The following FGD4 variants were observed in gnomAD, a reference collection of about 807,000 sequenced individuals.
FGD4 encodes the protein FYVE, RhoGEF and PH domain containing 4.
FGD4 carries 42 observed loss-of-function variants against 102.0 expected under a neutral mutation model. The ratio of observed to expected loss-of-function variants is 0.41; its 90% CI spans 0.32 to 0.53. The LOEUF (loss-of-function observed/expected upper bound fraction) is 0.53. FGD4 is among the 20% of genes least tolerant of loss of function. FGD4 has a pLI of 0.21. For synonymous variants in FGD4, 380 were observed against 375.7 expected (o/e 1.01, Z -0.13); for missense variants, 902 against 1,078.2 (o/e 0.84, Z 2.29).
At chr12:32,482,836 C>T (rs889633441) in intron 1 of FGD4, among the ~76,000 whole-genome samples, 8 of 152,172 alleles carry the variant, frequency 5.3e-5, no homozygotes, top group South Asian at 2.1e-4. Context: ...TTAGAAATCA[C>T]GTTTTGAAGT....
At position 32,430,457 on chromosome 12, in the gene FGD4, C is replaced by T. The variant is rs118190586; in HGVS notation, c.166+30498C>T. On this transcript the variant is annotated intron_variant, in intron 1 of 16. Transcript: ENST00000534526. ...AGGAACTTGTTTGACTAGATTATAT[C>T]GTATATCATTAGCAGGGTGACAGTT... 4.6e-3 allele frequency among the ~76,000 whole-genome samples: 693 copies of T among 152,130 alleles called. 2 individuals carry two copies. Among genetic ancestry groups the T allele is most frequent in the Middle Eastern group, 6.8e-3 (2 of 292 alleles).
In FGD4 at chr12:32,537,160, G is replaced by A. The variant is rs536447954; in HGVS notation, c.167-26977G>A. Among the ~76,000 whole-genome samples, 13 of 151,996 alleles carry A rather than the reference G, an allele frequency of 8.6e-5. No individual in the cohort carries two copies. In the South Asian group the frequency reaches 1.0e-3, roughly 12 times the overall value. On this transcript the variant is annotated intron_variant, in intron 1 of 16. Transcript: ENST00000534526. ...CCTGATCTCATTATCCGCCCACCTC[G>A]GCCTCCCAAAGTGCTGGGATTACAG...
Position 32,544,478 on chromosome 12 carries a change from C to T in FGD4, c.167-19659C>T, listed in dbSNP as rs1448405873. On this transcript the variant is annotated intron_variant, in intron 1 of 16. Coordinates refer to ENST00000534526, the MANE Select transcript of FGD4 (RefSeq NM_001370298.3). The surrounding 1 kb of genome is among the most constrained non-coding windows in gnomAD (Gnocchi z 4.1). ...GGGTGCAGTGGCTCATGCCTGTAAT[C>T]CCAGCACTCTGGGAGGCTGAGGCAG... Among the ~76,000 whole-genome samples, 2 of 151,968 alleles carry T rather than the reference C, an allele frequency of 1.3e-5. No homozygotes were observed. The highest frequency in any genetic ancestry group is 4.8e-5 in the African/African-American group (2 of 41,360).
At chr12:32,480,451 A>T (rs562913835) in intron 1 of FGD4, among the ~76,000 whole-genome samples, 18 of 145,336 alleles carry the variant, frequency 1.2e-4, no homozygotes, top group African/African-American at 4.3e-4. Flanking sequence ...TGTGAGCCAC[A>T]ACGCCCAACC....
intron 4 of FGD4, among the ~76,000 whole-genome samples, chr12:32,592,328 A>C (rs867084006): frequency 1.3e-5 from 2 of 151,928 alleles, no homozygotes; most frequent in African/African-American, 4.8e-5. Context: ...GGGATATCAA[A>C]AGTAAGATTC....
At chr12:32,599,282 C>G (rs906894208) in intron 5 of FGD4, among the ~76,000 whole-genome samples, 1 of 150,260 alleles carries the variant, frequency 6.7e-6, no homozygotes, top group Admixed American at 6.6e-5. Flanking sequence ...ATCACGAGGT[C>G]AGGAGATCGA....
chr12:32,593,472 G>T (rs1377290489), intron 4 of FGD4, among the ~76,000 whole-genome samples: 1 of 152,204 alleles, frequency 6.6e-6, no homozygotes, highest in East Asian at 1.9e-4. Flanking sequence ...ACATGTAGAA[G>T]GTGGTCTGTG....
chr12:32,455,988 C>T (rs1942937648), intron 1 of FGD4, among the ~76,000 whole-genome samples: 1 of 152,140 alleles, frequency 6.6e-6, no homozygotes, highest in African/African-American at 2.4e-5. Context: ...TGGACGAGTG[C>T]ACTTTCAGTT....
intron 2 of FGD4, among the ~76,000 whole-genome samples, chr12:32,568,516 A>C (rs1453299962): frequency 6.6e-5 from 10 of 150,750 alleles, no homozygotes; most frequent in Non-Finnish European, 1.5e-4. Context: ...TAGCTCCTTT[A>C]GTAATTAAAG....
chr12:32,636,894 A>G (rs1950860404), intron 15 of FGD4, among the ~76,000 whole-genome samples: 1 of 145,512 alleles, frequency 6.9e-6, no homozygotes, highest in Non-Finnish European at 1.5e-5. Flanking sequence ...TTTTTTAGAC[A>G]GAGTCTTGCT....
At chr12:32,524,938 CTGT>C (rs1940986115) in intron 1 of FGD4, among the ~76,000 whole-genome samples, 3 of 152,188 alleles carry the variant, frequency 2.0e-5, no homozygotes, top group African/African-American at 2.4e-5. Flanking sequence ...CAATGAGGTG[CTGT>C]TGTTCAGTAT....
Position 32,640,408 on chromosome 12 carries a change from G to A in FGD4, c.2587G>A (p.Glu863Lys), listed in dbSNP as rs771529170. 6.2e-7 allele frequency: 1 copy of A among 1,614,166 alleles called. No individual in the cohort carries two copies. The highest frequency in any genetic ancestry group is 8.5e-7 in the Non-Finnish European group (1 of 1,180,032). ...GCACAGCTTTGCTGCAGACAGTGAG[G>A]AACTGAAGCAGAAGTGGCTGAAAGT... ...SVHSFAADSE[E>K]LKQKWLKVIL... The change falls in exon 17 of 17, where the codon GAA (glutamate) becomes AAA (lysine). Residue 863 changes from glutamate (E) to lysine (K), a missense_variant. Coordinates refer to ENST00000534526, the MANE Select transcript of FGD4 (RefSeq NM_001370298.3).
At chr12:32,596,628 A>G (rs896726655) in intron 4 of FGD4, among the ~76,000 whole-genome samples, 5 of 152,110 alleles carry the variant, frequency 3.3e-5, no homozygotes, top group African/African-American at 1.2e-4. Context: ...TTTAAGAGAA[A>G]TAGTCCTGGA....
At chr12:32,466,468 T>G (rs1051398712) in intron 1 of FGD4, among the ~76,000 whole-genome samples, 1 of 152,158 alleles carries the variant, frequency 6.6e-6, no homozygotes, top group Non-Finnish European at 1.5e-5. Context: ...TGTTCAGGCC[T>G]TTAACTGATT....
intron 1 of FGD4, among the ~76,000 whole-genome samples, chr12:32,514,218 G>T (rs1222696355): frequency 6.6e-6 from 1 of 152,172 alleles, no homozygotes; most frequent in Non-Finnish European, 1.5e-5. Context: ...CAGTCAATCA[G>T]TTTGTTTAGT....
intron 2 of FGD4, among the ~76,000 whole-genome samples, chr12:32,574,432 T>G (rs1320468619): frequency 6.6e-6 from 1 of 152,004 alleles, no homozygotes; most frequent in Non-Finnish European, 1.5e-5. Context: ...GAGATTTTCC[T>G]GTTTTGCTAC....
At chr12:32,478,781 T>C (rs145456384) in intron 1 of FGD4, among the ~76,000 whole-genome samples, 152 of 152,270 alleles carry the variant, frequency 1.0e-3, no homozygotes, top group African/African-American at 3.6e-3. Context: ...CCAAGTCTGG[T>C]TGAGTAACAT....
chr12:32,401,562 C>T (rs1940662918), intron 1 of FGD4, among the ~76,000 whole-genome samples: 1 of 151,704 alleles, frequency 6.6e-6, no homozygotes, highest in South Asian at 2.1e-4. Flanking sequence ...CATCCGGCCT[C>T]AAATTCTTTA....
At chr12:32,423,123 C>T (rs1234272894) in intron 1 of FGD4, among the ~76,000 whole-genome samples, 3 of 152,034 alleles carry the variant, frequency 2.0e-5, no homozygotes, top group Admixed American at 6.6e-5. Flanking sequence ...TCATTTCCTC[C>T]TGATATTCTT....
Sources: gnomAD v4.1 joint callset for allele counts (sites outside exome capture counted in the v4.1 genomes callset) on GRCh38, gnomAD v4.1.1 for gene constraint, Gnocchi (gnomAD v3.1) non-coding constraint, MANE v1.5 for transcripts, NCBI Gene and HGNC (gene_info 2026-07-23, HGNC 2026-07-21) for gene names.